The following NBAS variants were observed in gnomAD, a reference collection of about 807,000 sequenced individuals.
The protein encoded by NBAS is NBAS subunit of NRZ tethering complex, also known as NAG/BC035112 fusion.
Under a neutral mutation model 302.5 loss-of-function variants are expected in NBAS, and 219 were observed. The observed-to-expected ratio is 0.72, with a 90% CI of 0.65 to 0.81. The LOEUF is 0.81. NBAS is among the 30% of genes least tolerant of loss of function. NBAS has a pLI of 0.00. For synonymous variants in NBAS, 1,118 were observed against 1,021.6 expected (o/e 1.09, Z -1.80); for missense variants, 2,932 against 2,841.6 (o/e 1.03, Z -0.72).
the NBAS span, among the ~76,000 whole-genome samples, chr2:14,815,055 G>T: frequency 2.1e-4 from 32 of 152,136 alleles, no homozygotes; most frequent in African/African-American, 7.0e-4. Context: ...CATCATGATT[G>T]TAAGTTTTCT....
At chr2:14,930,214 T>C in the NBAS span, among the ~76,000 whole-genome samples, 38 of 152,262 alleles carry the variant, frequency 2.5e-4, no homozygotes, top group Non-Finnish European at 4.4e-4. Context: ...ATTCCTGTCC[T>C]CCACTCTAAT....
At chr2:15,144,795 G>C in the NBAS span, among the ~76,000 whole-genome samples, 4 of 152,216 alleles carry the variant, frequency 2.6e-5, no homozygotes, top group Admixed American at 6.5e-5. Flanking sequence ...AGGTGGTTGC[G>C]TTGGTTTATG....
intron 35 of NBAS, among the ~76,000 whole-genome samples, chr2:15,346,505 G>T (rs573856720): frequency 6.6e-6 from 1 of 152,284 alleles, no homozygotes; most frequent in Admixed American, 6.5e-5. Flanking sequence ...AGAAACAATA[G>T]ATGCTGGCAA....
intron 25 of NBAS, among the ~76,000 whole-genome samples, chr2:15,402,848 G>A (rs1289304536): frequency 6.6e-6 from 1 of 152,038 alleles, no homozygotes; most frequent in Non-Finnish European, 1.5e-5. Context: ...GCTACTTAGG[G>A]TGACTTTCTG....
chr2:15,342,936 T>G (rs1308371056), intron 35 of NBAS, among the ~76,000 whole-genome samples: 1 of 151,848 alleles, frequency 6.6e-6, no homozygotes, highest in Non-Finnish European at 1.5e-5. Context: ...AAACTCCTGT[T>G]TGAGTACACT....
At chr2:15,003,435 C>T in the NBAS span, among the ~76,000 whole-genome samples, 8 of 152,280 alleles carry the variant, frequency 5.3e-5, no homozygotes, top group South Asian at 1.4e-3. Flanking sequence ...AACAAACCAA[C>T]CCACTCATAA....
the NBAS span, among the ~76,000 whole-genome samples, chr2:15,060,457 G>A: frequency 5.9e-5 from 9 of 152,258 alleles, no homozygotes; most frequent in Non-Finnish European, 1.3e-4. Flanking sequence ...AAACAAGGCA[G>A]AACACAAACA....
intron 48 of NBAS, among the ~76,000 whole-genome samples, chr2:15,196,412 C>A (rs575472847): frequency 1.9e-4 from 29 of 152,162 alleles, no homozygotes; most frequent in Middle Eastern, 3.4e-3. Flanking sequence ...CAAAATGTTA[C>A]CATTAGGGGA....
chr2:14,984,537 C>T, the NBAS span, among the ~76,000 whole-genome samples: 5 of 152,294 alleles, frequency 3.3e-5, no homozygotes, highest in Admixed American at 6.5e-5. Flanking sequence ...ATTTGAAAGT[C>T]CCTCTAAGTG....
At chr2:15,511,099 A>T in intron 10 of NBAS, 113 bp downstream of exon 10, 1 of 1,318,802 alleles carries the variant, frequency 7.6e-7, no homozygotes, top group East Asian at 2.3e-5. Context: ...CACTGTCCTC[A>T]TTCAAGATGA....
intron 48 of NBAS, among the ~76,000 whole-genome samples, chr2:15,203,637 A>T (rs1042971499): frequency 3.3e-5 from 5 of 152,192 alleles, no homozygotes; most frequent in Admixed American, 1.3e-4. Context: ...ATTCAGCACA[A>T]TTATAGACCA....
chr2:15,473,927 T>C, intron 15 of NBAS, 140 bp downstream of exon 15: 1 of 1,035,398 alleles, frequency 9.7e-7, no homozygotes, highest in Non-Finnish European at 1.4e-6. Context: ...TTAAAAAGCT[T>C]TATAGAACTG....
At chr2:14,842,334 A>C in the NBAS span, among the ~76,000 whole-genome samples, 2 of 151,998 alleles carry the variant, frequency 1.3e-5, no homozygotes, top group African/African-American at 4.8e-5. Context: ...CAGAGCAAAA[A>C]TAAACAAAAT....
intron 48 of NBAS, among the ~76,000 whole-genome samples, chr2:15,209,079 A>G (rs938604592): frequency 1.2e-4 from 18 of 152,172 alleles, no homozygotes; most frequent in African/African-American, 4.3e-4. Flanking sequence ...AAAAAGTGAG[A>G]GAAAACCCAA....
chr2:14,902,208 T>C, the NBAS span, among the ~76,000 whole-genome samples: 1 of 152,190 alleles, frequency 6.6e-6, no homozygotes, highest in Non-Finnish European at 1.5e-5. Flanking sequence ...CTCAGCTCAC[T>C]TCAAACTCTG....
intron 9 of NBAS, among the ~76,000 whole-genome samples, chr2:15,523,758 A>G (rs550179328): frequency 6.6e-6 from 1 of 152,266 alleles, no homozygotes; most frequent in Non-Finnish European, 1.5e-5. Flanking sequence ...TACTAAAAAT[A>G]CAAAAATTAG....
chr2:15,316,936 G>A (rs1344941951), intron 38 of NBAS, among the ~76,000 whole-genome samples: 1 of 152,314 alleles, frequency 6.6e-6, no homozygotes, highest in South Asian at 2.1e-4. Flanking sequence ...GTGGGTCCCT[G>A]ACCCCGTGTA....
At chr2:15,536,342 A>G in intron 8 of NBAS, 76 bp downstream of exon 8, 1 of 1,529,858 alleles carries the variant, frequency 6.5e-7, no homozygotes, top group South Asian at 1.2e-5. Flanking sequence ...CAAAAAAAAA[A>G]AGAAATATCA....
chr2:14,845,182 C>A, the NBAS span, among the ~76,000 whole-genome samples: 264 of 152,300 alleles, frequency 1.7e-3, no homozygotes, highest in African/African-American at 6.1e-3. Context: ...CACTTCACCC[C>A]CAGTTCCAGG....
Sources: gnomAD v4.1 joint callset for allele counts (sites outside exome capture counted in the v4.1 genomes callset) on GRCh38, gnomAD v4.1.1 for gene constraint, MANE v1.5 for transcripts, NCBI Gene and HGNC (gene_info 2026-07-23, HGNC 2026-07-21) for gene names.